The following CDH12 variants were observed in gnomAD, a reference collection of about 807,000 sequenced individuals.
The protein encoded by CDH12 is cadherin-12.
In CDH12, 41 loss-of-function variants were observed where a neutral mutation model predicts 74.1. The observed-to-expected ratio is 0.55, with a 90% confidence interval of 0.43 to 0.72. The LOEUF is 0.72. CDH12 is among the 30% of genes least tolerant of loss of function. The pLI, the probability that CDH12 is intolerant of heterozygous loss-of-function variation, is 0.00. For missense variants in CDH12, 945 were observed against 977.2 expected, an observed-to-expected ratio of 0.97 and a Z score of 0.44; for synonymous variants, 399 against 355.0, an observed-to-expected ratio of 1.12 and a Z score of -1.39.
At chr5:21,972,461 T>C (rs2963532) in intron 6 of CDH12, among the ~76,000 whole-genome samples, 5,914 of 152,172 alleles carry the variant, frequency 0.039, 379 homozygotes, top group African/African-American at 0.14. Context: ...AGAGGGAGAA[T>C]TGCCTCGATT....
intron 4 of CDH12, among the ~76,000 whole-genome samples, chr5:22,119,060 A>C (rs1383239186): frequency 6.6e-6 from 1 of 152,118 alleles, no homozygotes; most frequent in Admixed American, 6.6e-5. Flanking sequence ...TCCTATGTAC[A>C]TCTCTTGGCA....
chr5:22,536,503 AT>A (rs1214221849), intron 1 of CDH12, among the ~76,000 whole-genome samples: 1 of 151,994 alleles, frequency 6.6e-6, no homozygotes, highest in Admixed American at 6.6e-5. Context: ...TGAAAGTGGT[AT>A]TTTTTACAGG....
chr5:21,989,356 G>T (rs1757652677), intron 5 of CDH12, among the ~76,000 whole-genome samples: 1 of 152,150 alleles, frequency 6.6e-6, no homozygotes, highest in South Asian at 2.1e-4. Flanking sequence ...ATTGAGTTTT[G>T]CAGTACCAAG....
chr5:22,221,506 T>C (rs923383021), intron 3 of CDH12, among the ~76,000 whole-genome samples: 4 of 151,976 alleles, frequency 2.6e-5, no homozygotes, highest in African/African-American at 9.7e-5. Context: ...TGTTTTATTT[T>C]GCTTTGACTC....
At chr5:22,823,606 C>T (rs536303232) in intron 1 of CDH12, among the ~76,000 whole-genome samples, 38 of 152,200 alleles carry the variant, frequency 2.5e-4, no homozygotes, top group African/African-American at 8.4e-4. Flanking sequence ...TATGGTTAGG[C>T]TGTGTGTCGC....
At chr5:22,099,170 C>T (rs1162350913) in intron 4 of CDH12, among the ~76,000 whole-genome samples, 2 of 152,102 alleles carry the variant, frequency 1.3e-5, no homozygotes, top group Admixed American at 1.3e-4. Context: ...TCTGAGAAGG[C>T]CACCACTGTC....
intron 5 of CDH12, among the ~76,000 whole-genome samples, chr5:22,036,633 G>C (rs977515774): frequency 6.6e-6 from 1 of 152,104 alleles, no homozygotes; most frequent in Non-Finnish European, 1.5e-5. Flanking sequence ...CAGATTTTTA[G>C]AGGCATGAAA....
intron 1 of CDH12, among the ~76,000 whole-genome samples, chr5:22,811,516 T>C (rs1038158917): frequency 1.3e-5 from 2 of 152,196 alleles, no homozygotes; most frequent in African/African-American, 4.8e-5. Context: ...AATAGAGGCA[T>C]GTGTGAGGAA....
chr5:22,362,475 T>C (rs552640158), intron 3 of CDH12, among the ~76,000 whole-genome samples: 1 of 152,276 alleles, frequency 6.6e-6, no homozygotes, highest in Admixed American at 6.5e-5. Flanking sequence ...ACTTTTACAC[T>C]GTTGGTGGGA....
intron 2 of CDH12, among the ~76,000 whole-genome samples, chr5:22,452,846 A>G (rs2126565639): frequency 6.8e-6 from 1 of 146,996 alleles, no homozygotes; most frequent in Non-Finnish European, 1.5e-5. Context: ...GTTAACCTAG[A>G]GAATATATAT....
chr5:21,769,714 G>A (rs1472102488), intron 11 of CDH12, among the ~76,000 whole-genome samples: 1 of 152,056 alleles, frequency 6.6e-6, no homozygotes, highest in African/African-American at 2.4e-5. Context: ...AGAGAATTTA[G>A]GCATTATATA....
At chr5:22,364,584 T>C (rs1356510755) in intron 3 of CDH12, among the ~76,000 whole-genome samples, 1 of 151,906 alleles carries the variant, frequency 6.6e-6, no homozygotes, top group Non-Finnish European at 1.5e-5. Flanking sequence ...GAGAATGGGG[T>C]GGATCAAAGT....
intron 11 of CDH12, among the ~76,000 whole-genome samples, chr5:21,778,363 T>C (rs1459137198): frequency 4.0e-5 from 6 of 151,882 alleles, no homozygotes; most frequent in African/African-American, 1.4e-4. Context: ...TAATATAGTT[T>C]ATTACTTTAT....
chr5:22,759,192 G>C (rs1257675496), intron 1 of CDH12, among the ~76,000 whole-genome samples: 1 of 150,702 alleles, frequency 6.6e-6, no homozygotes, highest in Non-Finnish European at 1.5e-5. Context: ...CTGCTACGCA[G>C]TCTCAGAAAA....
At chr5:21,969,362 G>C (rs115010538) in intron 6 of CDH12, among the ~76,000 whole-genome samples, 2 of 151,972 alleles carry the variant, frequency 1.3e-5, no homozygotes, top group Admixed American at 1.3e-4. Context: ...AGCCCTCAGT[G>C]ATCCCAGCTT....
At chr5:22,821,600 G>T (rs1749703047) in intron 1 of CDH12, among the ~76,000 whole-genome samples, 2 of 151,644 alleles carry the variant, frequency 1.3e-5, no homozygotes, top group Non-Finnish European at 3.0e-5. Context: ...AACAGACAGA[G>T]AGCCAAATCA....
Position 22,461,473 on chromosome 5 carries a change from A to T in CDH12, c.-428+43797T>A, listed in dbSNP as rs547972371. Among the ~76,000 whole-genome samples the T allele has an allele frequency of 5.4e-5, 8 of 147,894 alleles. No individual in the cohort carries two copies. The South Asian group carries it at 1.3e-3, about 23-fold the overall frequency. ...AACACATTATGAGTTATCTATAGTTAAAAAAAAGCAAAAAAAAAAAACCTG... is the reference window on the plus strand; with the variant it reads ...AACACATTATGAGTTATCTATAGTTTAAAAAAAGCAAAAAAAAAAAACCTG... On this transcript the variant is annotated intron_variant, in intron 2 of 14. Coordinates refer to ENST00000382254, the MANE Select transcript of CDH12 (RefSeq NM_004061.5).
At chr5:22,775,373 G>C (rs1266678883) in intron 1 of CDH12, among the ~76,000 whole-genome samples, 1 of 152,034 alleles carries the variant, frequency 6.6e-6, no homozygotes, top group Non-Finnish European at 1.5e-5. Context: ...GGCTCATAGT[G>C]GTTCACAATG....
At chr5:21,965,577 G>A (rs1168423746) in intron 6 of CDH12, among the ~76,000 whole-genome samples, 1 of 150,898 alleles carries the variant, frequency 6.6e-6, no homozygotes, top group African/African-American at 2.4e-5. Context: ...TTAATTATTT[G>A]TAAAACTGTA....
Sources: gnomAD v4.1 joint callset for allele counts (sites outside exome capture counted in the v4.1 genomes callset) on GRCh38, gnomAD v4.1.1 for gene constraint, MANE v1.5 for transcripts, NCBI Gene and HGNC (gene_info 2026-07-23, HGNC 2026-07-21) for gene names.